RBFOX3: variants seen among roughly 807,000 people sequenced by gnomAD.
RBFOX3 encodes the protein RNA binding protein fox-1 homolog 3.
A neutral mutation model predicts 48.7 loss-of-function variants in RBFOX3; 17 were observed. The ratio of observed to expected loss-of-function variants is 0.35; its 90% CI spans 0.24 to 0.52. The LOEUF is 0.52. Among genes scored for constraint, RBFOX3 ranks in the 20% least tolerant of loss-of-function variants. The pLI is 0.94. For missense variants in RBFOX3, 382 were observed against 497.5 expected, an observed-to-expected ratio of 0.77 and a Z score of 2.21; for synonymous variants, 212 against 209.5, an observed-to-expected ratio of 1.01 and a Z score of -0.10.
intron 1 of RBFOX3, among the ~76,000 whole-genome samples, chr17:79,567,504 C>T (rs935794189): frequency 7.2e-5 from 11 of 152,116 alleles, no homozygotes; most frequent in Non-Finnish European, 1.5e-4. Flanking sequence ...CTTTCTGTGC[C>T]TGGCTTATTT....
intron 4 of RBFOX3, among the ~76,000 whole-genome samples, chr17:79,156,428 C>T (rs1296606193): frequency 6.6e-6 from 1 of 152,098 alleles, no homozygotes; most frequent in Non-Finnish European, 1.5e-5. Flanking sequence ...GCCTGGCAGC[C>T]CCACACACTG....
At chr17:79,651,731 C>G in the RBFOX3 span, among the ~76,000 whole-genome samples, 1 of 66,698 alleles carries the variant, frequency 1.5e-5, no homozygotes, top group African/African-American at 3.3e-5. Flanking sequence ...TTCCCTCCCT[C>G]TCTCCTTCTC....
chr17:79,136,788 G>A (rs1002735873), intron 4 of RBFOX3, among the ~76,000 whole-genome samples: 1 of 152,190 alleles, frequency 6.6e-6, no homozygotes, highest in African/African-American at 2.4e-5. Flanking sequence ...GCTCTCATCT[G>A]AGCCTGCTCT....
In RBFOX3 at chr17:79,392,685, G is replaced by A. The variant is rs189025436; in HGVS notation, c.-174-84861C>T. ...CTCTTCCCGATATCTGGCAAGCATC[G>A]GGCAGTGGCTCTATGAGCTTGGGTC... On this transcript the variant is annotated intron_variant, in intron 2 of 14. Coordinates refer to ENST00000693108, the MANE Select transcript of RBFOX3 (RefSeq NM_001350451.2). The surrounding 1 kb of genome is among the most constrained non-coding windows in gnomAD (Gnocchi z 5.0). Among the ~76,000 whole-genome samples the A allele has an allele frequency of 2.5e-4, 38 of 152,232 alleles. No homozygotes were observed. Among genetic ancestry groups the A allele is most frequent in the Admixed American group, 7.2e-4 (11 of 15,298 alleles).
chr17:79,417,652 A>G (rs782217279), intron 2 of RBFOX3, among the ~76,000 whole-genome samples: 13 of 152,230 alleles, frequency 8.5e-5, no homozygotes, highest in Non-Finnish European at 1.5e-4. Context: ...CTGCTGCGGA[A>G]AAGGAAGGTT....
At chr17:79,511,352 TG>T (rs2084168640) in intron 1 of RBFOX3, among the ~76,000 whole-genome samples, 2 of 152,180 alleles carry the variant, frequency 1.3e-5, no homozygotes, top group Admixed American at 1.3e-4. Context: ...CCCTTTTCAG[TG>T]CCTAATATGT....
At chr17:79,345,738 C>T (rs1010232078) in intron 2 of RBFOX3, among the ~76,000 whole-genome samples, 1 of 151,940 alleles carries the variant, frequency 6.6e-6, no homozygotes, top group Non-Finnish European at 1.5e-5. Context: ...GTGTGTATTG[C>T]CAATATTTTC....
At chr17:79,510,107 GC>G (rs1340135800) in intron 1 of RBFOX3, among the ~76,000 whole-genome samples, 1 of 152,110 alleles carries the variant, frequency 6.6e-6, no homozygotes, top group Non-Finnish European at 1.5e-5. Flanking sequence ...CAACAGCCCG[GC>G]CCACCCACCA....
the RBFOX3 span, among the ~76,000 whole-genome samples, chr17:79,659,987 G>T: frequency 3.3e-5 from 5 of 152,162 alleles, no homozygotes; most frequent in African/African-American, 9.7e-5. Flanking sequence ...AGGAGCTCAA[G>T]ACCAGCCTGG....
intron 2 of RBFOX3, among the ~76,000 whole-genome samples, chr17:79,438,016 G>T (rs1555732207): frequency 2.6e-5 from 4 of 151,930 alleles, no homozygotes; most frequent in Non-Finnish European, 5.9e-5. Flanking sequence ...TACACAGAGG[G>T]GCACAAGCAC....
At chr17:79,588,369 C>T (rs1162970253) in intron 1 of RBFOX3, among the ~76,000 whole-genome samples, 1 of 152,184 alleles carries the variant, frequency 6.6e-6, no homozygotes, top group Non-Finnish European at 1.5e-5. Context: ...GGCTTCATCC[C>T]ACCATGAAGA....
intron 1 of RBFOX3, among the ~76,000 whole-genome samples, chr17:79,500,217 C>T (rs1416474749): frequency 3.3e-5 from 5 of 151,046 alleles, no homozygotes; most frequent in African/African-American, 7.3e-5. Context: ...CAACTCCCAA[C>T]GACACAGACT....
chr17:79,367,500 A>G lies in RBFOX3; in HGVS notation c.-174-59676T>C, dbSNP rs1019813946. On this transcript the variant is annotated intron_variant, in intron 2 of 14. Coordinates refer to ENST00000693108, the MANE Select transcript of RBFOX3 (RefSeq NM_001350451.2). Reference sequence around the variant, plus strand: ...ACCCAGCAGTTAGCGATGAGCACTCATGAGCTCTGGGCTACAGGTGTCAGG... The same window carrying G: ...ACCCAGCAGTTAGCGATGAGCACTCGTGAGCTCTGGGCTACAGGTGTCAGG... Among the ~76,000 whole-genome samples the G allele has an allele frequency of 7.2e-5, 11 of 152,134 alleles. No homozygotes were observed. In the East Asian group the frequency reaches 2.1e-3, roughly 30 times the overall value.
chr17:79,570,129 A>G (rs2092618568), intron 1 of RBFOX3, among the ~76,000 whole-genome samples: 1 of 147,102 alleles, frequency 6.8e-6, no homozygotes, highest in African/African-American at 2.5e-5. Flanking sequence ...TGGATGGTAG[A>G]TGGATGAATG....
At chr17:79,654,181 C>T in the RBFOX3 span, among the ~76,000 whole-genome samples, 1 of 152,188 alleles carries the variant, frequency 6.6e-6, no homozygotes, top group African/African-American at 2.4e-5. Context: ...ATTCATTGCA[C>T]AGACTGGTAA....
At chr17:79,538,129 C>T (rs554180413) in intron 1 of RBFOX3, among the ~76,000 whole-genome samples, 1 of 152,330 alleles carries the variant, frequency 6.6e-6, no homozygotes, top group African/African-American at 2.4e-5. Context: ...AGCTATTTTG[C>T]AAACACAAAC....
intron 2 of RBFOX3, among the ~76,000 whole-genome samples, chr17:79,449,059 C>A (rs976192770): frequency 6.0e-4 from 91 of 152,032 alleles, no homozygotes; most frequent in African/African-American, 2.2e-3. Flanking sequence ...TGGGGGTGCA[C>A]AGGTATTAGT....
chr17:79,184,792 C>A (rs900029394), intron 4 of RBFOX3, among the ~76,000 whole-genome samples: 2 of 151,670 alleles, frequency 1.3e-5, no homozygotes, highest in Non-Finnish European at 2.9e-5. Context: ...GGCCTGGGGC[C>A]GCCTGGCAGT....
At chr17:79,098,113 G>A (rs1032348427) in intron 9 of RBFOX3, 4 of 226,148 alleles carry the variant, frequency 1.8e-5, no homozygotes, top group Admixed American at 4.8e-5. Context: ...GAGCACAGCT[G>A]GGATGAGGGT....
Sources: allele counts gnomAD v4.1 joint callset (sites outside exome capture counted in the v4.1 genomes callset), GRCh38; gene constraint gnomAD v4.1.1; non-coding constraint Gnocchi (gnomAD v3.1); transcripts MANE v1.5; gene names NCBI Gene and HGNC (gene_info 2026-07-23, HGNC 2026-07-21).